UBXN7: variants seen among roughly 807,000 people sequenced by gnomAD.
The protein encoded by UBXN7 is UBX domain-containing protein 7.
In UBXN7, 9 loss-of-function variants were observed where a neutral mutation model predicts 58.0. The ratio of observed to expected loss-of-function variants is 0.16; its 90% CI spans 0.09 to 0.27. UBXN7 has a LOEUF of 0.27. UBXN7 is among the 10% of genes least tolerant of loss of function. The pLI, the probability that UBXN7 is intolerant of heterozygous loss-of-function variation, is 1.00. For synonymous variants in UBXN7, 208 were observed against 205.0 expected, an observed-to-expected ratio of 1.01 and a Z score of -0.12; for missense variants, 328 against 599.6, an observed-to-expected ratio of 0.55 and a Z score of 4.73.
intron 1 of UBXN7, among the ~76,000 whole-genome samples, chr3:196,412,396 C>A (rs538765348): frequency 6.6e-6 from 1 of 151,710 alleles, no homozygotes; most frequent in Non-Finnish European, 1.5e-5. Flanking sequence ...CCAGCTTATA[C>A]CCATTAAAAA....
intron 7 of UBXN7, among the ~76,000 whole-genome samples, chr3:196,368,874 G>A (rs1194985386): frequency 2.6e-5 from 4 of 152,150 alleles, no homozygotes; most frequent in Non-Finnish European, 5.9e-5. Context: ...CCAGGCTGGA[G>A]TGCAGTGGCG....
intron 5 of UBXN7, among the ~76,000 whole-genome samples, chr3:196,380,634 C>CG (rs1306521432): frequency 6.6e-6 from 1 of 152,196 alleles, no homozygotes; most frequent in Non-Finnish European, 1.5e-5. Context: ...GGGTGGAGAG[C>CG]GGGTGCAGCC....
intron 5 of UBXN7, among the ~76,000 whole-genome samples, chr3:196,376,531 G>A (rs1257367444): frequency 8.2e-6 from 1 of 122,090 alleles, no homozygotes; most frequent in Non-Finnish European, 1.6e-5. Flanking sequence ...GGGCGACAGA[G>A]CGAGACTCTG....
rs552729286 is a variant in UBXN7, at chr3:196,424,991, C to T, written c.73+7336G>A. Among the ~76,000 whole-genome samples the T allele has an allele frequency of 5.3e-5, 8 of 152,192 alleles. No individual in the cohort carries two copies. In the South Asian group the frequency reaches 1.5e-3, roughly 28 times the overall value. ...TGCTGGGATTCCAGGTGTGAACCAC[C>T]GCACCTAGCCCCATTTTTATAACTT... is the stretch of plus-strand genomic sequence containing the variant. On this transcript the variant is annotated intron_variant, in intron 1 of 10. Transcript: ENST00000296328.
intron 1 of UBXN7, among the ~76,000 whole-genome samples, chr3:196,419,758 G>A (rs902346574): frequency 6.6e-6 from 1 of 152,104 alleles, no homozygotes; most frequent in Non-Finnish European, 1.5e-5. Flanking sequence ...ACTGAAAAAC[G>A]TCCTCCAAAA....
At chr3:196,423,363 G>T in intron 1 of UBXN7, 1 of 176,918 alleles carries the variant, frequency 5.7e-6, no homozygotes, top group South Asian at 8.9e-5. Flanking sequence ...TCCCTGAGAG[G>T]AGCATGTGGA....
At chr3:196,412,770 T>C (rs1009042177) in intron 1 of UBXN7, among the ~76,000 whole-genome samples, 1 of 152,182 alleles carries the variant, frequency 6.6e-6, no homozygotes, top group Non-Finnish European at 1.5e-5. Context: ...CGGACATGAA[T>C]GAACCTTGAG....
At chr3:196,357,211 TA>T (rs1187570065) in intron 10 of UBXN7, among the ~76,000 whole-genome samples, 2 of 152,262 alleles carry the variant, frequency 1.3e-5, no homozygotes, top group African/African-American at 4.8e-5. Context: ...TCATTCTGCC[TA>T]CACCCAATCT....
At chr3:196,365,327 G>A (rs1234989416) in intron 8 of UBXN7, among the ~76,000 whole-genome samples, 1 of 148,554 alleles carries the variant, frequency 6.7e-6, no homozygotes, top group Non-Finnish European at 1.5e-5. Context: ...ATTAATAAAT[G>A]ACCTAGAAAG....
At chr3:196,386,582 A>T (rs1261000168) in intron 5 of UBXN7, among the ~76,000 whole-genome samples, 1 of 152,142 alleles carries the variant, frequency 6.6e-6, no homozygotes, top group African/African-American at 2.4e-5. Flanking sequence ...ACAGACAAAG[A>T]GCCAAATCAT....
Position 196,371,917 on chromosome 3 carries a change from C to T in UBXN7, c.594G>A (p.Arg198=), listed in dbSNP as rs758772115. The T allele has an allele frequency of 1.2e-6, 2 of 1,611,904 alleles. No homozygotes were observed. Among genetic ancestry groups the T allele is most frequent in the Non-Finnish European group, 1.7e-6 (2 of 1,179,396 alleles). The change falls in exon 6 of 11, where the codon CGG becomes CGA. Residue 198 remains arginine, a synonymous_variant. Transcript: ENST00000296328. ...WSNEAVKNII[R]EHFIFWQVYH... ...TCACCTGCCAGAAAATGAAATGTTC[C>T]CGGATAATATTCTTCACAGCTTCGT...
intron 5 of UBXN7, among the ~76,000 whole-genome samples, chr3:196,377,045 CAAAA>C (rs1159006266): frequency 1.0e-4 from 7 of 69,304 alleles, no homozygotes; most frequent in Admixed American, 1.7e-4. Context: ...GACTCTGTCT[CAAAA>C]AAAAAAAAAA....
At chr3:196,368,222 G>C (rs1728723165) in intron 7 of UBXN7, 67 bp from the exon 8 acceptor site, 2 of 1,476,810 alleles carry the variant, frequency 1.4e-6, no homozygotes, top group Non-Finnish European at 1.8e-6. Context: ...CATTCTCCAG[G>C]ATCTATAAAT....
chr3:196,369,613 C>T (rs946257939), intron 6 of UBXN7, 102 bp from the exon 7 acceptor site: 20 of 788,788 alleles, frequency 2.5e-5, no homozygotes, highest in Middle Eastern at 3.6e-4. Context: ...AATATACCTC[C>T]GGCCTATGTA....
At chr3:196,379,179 T>C (rs1475532215) in intron 5 of UBXN7, among the ~76,000 whole-genome samples, 1 of 120,334 alleles carries the variant, frequency 8.3e-6, no homozygotes, top group African/African-American at 3.3e-5. Flanking sequence ...ATGTTGGTTT[T>C]GGGGGGTTTT....
At chr3:196,407,108 A>T (rs1378797279) in intron 2 of UBXN7, 138 bp downstream of exon 2, 38 of 1,215,314 alleles carry the variant, frequency 3.1e-5, no homozygotes, top group Admixed American at 2.8e-5. Flanking sequence ...AACTACAAAA[A>T]TTTCCACTTC....
chr3:196,385,964 AG>A (rs1319054353), intron 5 of UBXN7, among the ~76,000 whole-genome samples: 3 of 152,048 alleles, frequency 2.0e-5, no homozygotes. Flanking sequence ...AAGGAAGGAG[AG>A]ATCGGATTGT....
intron 1 of UBXN7, among the ~76,000 whole-genome samples, chr3:196,430,895 C>T (rs1274150893): frequency 6.6e-6 from 1 of 152,098 alleles, no homozygotes; most frequent in African/African-American, 2.4e-5. Flanking sequence ...TCCTTTATAT[C>T]TTCAATAATC....
intron 8 of UBXN7, among the ~76,000 whole-genome samples, chr3:196,365,846 A>T (rs76031426): frequency 6.6e-6 from 1 of 151,360 alleles, no homozygotes; most frequent in Non-Finnish European, 1.5e-5. Context: ...ATTTTCCACC[A>T]AAAAAAAACT....
Sources: gnomAD v4.1 joint callset for allele counts (sites outside exome capture counted in the v4.1 genomes callset) on GRCh38, gnomAD v4.1.1 for gene constraint, MANE v1.5 for transcripts, NCBI Gene and HGNC (gene_info 2026-07-23, HGNC 2026-07-21) for gene names.